Variants in RIMS1 observed in about 807,000 individuals in gnomAD.
RIMS1 encodes the protein regulating synaptic membrane exocytosis 1.
Under a neutral mutation model 214.1 loss-of-function variants are expected in RIMS1, and 83 were observed. That is an observed-to-expected ratio of 0.39 (90% confidence interval 0.32 to 0.47). The LOEUF (loss-of-function observed/expected upper bound fraction) is 0.47, where lower values mean the gene tolerates loss of function less well. RIMS1 is among the 20% of genes least tolerant of loss of function. The pLI is 0.99. For synonymous variants in RIMS1, 793 were observed against 786.8 expected (o/e 1.01, Z -0.13); for missense variants, 2,050 against 2,161.8 (o/e 0.95, Z 1.03).
intron 2 of RIMS1, among the ~76,000 whole-genome samples, chr6:71,997,675 AG>A: frequency 6.6e-6 from 1 of 152,324 alleles, no homozygotes; most frequent in African/African-American, 2.4e-5. Context: ...AAAGAGAAAA[AG>A]GAAATGTTAA....
At chr6:71,909,189 G>C (rs1022546125) in intron 1 of RIMS1, among the ~76,000 whole-genome samples, 1 of 152,080 alleles carries the variant, frequency 6.6e-6, no homozygotes, top group Non-Finnish European at 1.5e-5. Flanking sequence ...TAGAGACGGG[G>C]TTTCACCAGG....
intron 6 of RIMS1, among the ~76,000 whole-genome samples, chr6:72,220,126 C>G (rs2154032600): frequency 6.6e-6 from 1 of 152,154 alleles, no homozygotes; most frequent in East Asian, 1.9e-4. Context: ...TCCTAAGTGC[C>G]TGGCTTAAAT....
In RIMS1 at chr6:72,179,696, C is replaced by T; in HGVS notation, c.593C>T (p.Thr198Ile). The change falls in exon 5 of 34, where the codon ACA (threonine) becomes ATA (isoleucine). Residue 198 changes from threonine to isoleucine, a missense_variant. Physicochemically the swap from Thr to Ile is moderately conservative, Grantham distance 89. Transcript: ENST00000521978. ...GATGGAACCCTGAGTGATACAGCTACAGGTGCTGGCTCTGAGGTACCAAGA... is the reference window on the plus strand; with the variant it reads ...GATGGAACCCTGAGTGATACAGCTATAGGTGCTGGCTCTGAGGTACCAAGA... ...SQDGTLSDTA[T>I]GAGSEVPREK... 3.1e-6 allele frequency: 5 copies of T among 1,613,948 alleles called. No homozygotes were observed. Among genetic ancestry groups the T allele is most frequent in the Non-Finnish European group, 4.2e-6 (5 of 1,179,884 alleles).
intron 4 of RIMS1, among the ~76,000 whole-genome samples, chr6:72,125,384 T>A: frequency 6.6e-6 from 1 of 152,134 alleles, no homozygotes; most frequent in Non-Finnish European, 1.5e-5. Context: ...CCCGGCTGTA[T>A]GAGGTGTCAG....
chr6:71,891,324 A>G lies in RIMS1; in HGVS notation c.164+4137A>G, dbSNP rs979623521. Among the ~76,000 whole-genome samples the G allele has an allele frequency of 1.1e-4, 17 of 152,380 alleles. No individual in the cohort carries two copies. The East Asian group carries it at 3.3e-3, about 29-fold the overall frequency. On this transcript the variant is annotated intron_variant, in intron 1 of 33. Coordinates refer to ENST00000521978, the MANE Select transcript of RIMS1 (RefSeq NM_014989.7). ...TTTTTTCCTACAAATCCTTCAGTCC[A>G]TGGTATGAATTGATTTATAAAGAGT... is the stretch of plus-strand genomic sequence containing the variant.
chr6:71,943,074 A>G (rs1294814469), intron 1 of RIMS1, among the ~76,000 whole-genome samples: 1 of 152,170 alleles, frequency 6.6e-6, no homozygotes, highest in Non-Finnish European at 1.5e-5. Context: ...GTTCTCACAT[A>G]CCATGGTTAC....
At chr6:71,958,872 TC>T (rs1189017189) in intron 1 of RIMS1, among the ~76,000 whole-genome samples, 9 of 152,106 alleles carry the variant, frequency 5.9e-5, no homozygotes, top group Admixed American at 5.9e-4. Context: ...CATCCATTTT[TC>T]CCTAAATGTT....
chr6:71,977,872 A>G (rs117277532), intron 2 of RIMS1, among the ~76,000 whole-genome samples: 2,201 of 152,296 alleles, frequency 0.014, 26 homozygotes, highest in Middle Eastern at 0.027. Context: ...GATTTTATCT[A>G]AGACTTATAT....
rs1588054799 is a variant in RIMS1 at position 72,147,927 on chromosome 6, T to G, written c.472-31648T>G. ...TCCAACTGGCAAGAAATTTTATGTTTTTGCCAGCATCCCAGGCTTCTGGGT... is the reference window on the plus strand; with the variant it reads ...TCCAACTGGCAAGAAATTTTATGTTGTTGCCAGCATCCCAGGCTTCTGGGT... On this transcript the variant is annotated intron_variant, in intron 4 of 33. Transcript: ENST00000521978. Among the ~76,000 whole-genome samples the G allele has an allele frequency of 2.0e-5, 3 of 152,172 alleles. No individual in the cohort carries two copies. In the East Asian group the frequency reaches 5.8e-4, roughly 29 times the overall value.
intron 1 of RIMS1, among the ~76,000 whole-genome samples, chr6:71,922,703 AAGG>A (rs1382459041): frequency 2.0e-5 from 3 of 152,198 alleles, no homozygotes; most frequent in African/African-American, 7.2e-5. Flanking sequence ...AGAGAAGAAA[AAGG>A]AGGAGAAGGA....
rs895779007 is a variant in RIMS1 at position 72,394,416 on chromosome 6, A to G, written c.4618+1606A>G. Among the ~76,000 whole-genome samples the G allele has an allele frequency of 2.6e-5, 4 of 152,162 alleles. No individual in the cohort carries two copies. In the East Asian group the frequency reaches 7.7e-4, roughly 29 times the overall value. ...ACATAGTCAAAATAATATAAATATT[A>G]ATATTGGGAGAATGGGATGACAGAA... On this transcript the variant is annotated intron_variant, in intron 31 of 33. Coordinates refer to ENST00000521978, the MANE Select transcript of RIMS1 (RefSeq NM_014989.7).
chr6:72,273,350 TCC>T (rs1456696070), intron 22 of RIMS1, among the ~76,000 whole-genome samples: 1 of 152,146 alleles, frequency 6.6e-6, no homozygotes, highest in Non-Finnish European at 1.5e-5. Flanking sequence ...TTTAAGACTA[TCC>T]AGTTATTCCT....
intron 6 of RIMS1, among the ~76,000 whole-genome samples, chr6:72,221,298 G>A (rs1359729666): frequency 6.6e-6 from 1 of 151,084 alleles, no homozygotes; most frequent in East Asian, 1.9e-4. Flanking sequence ...GTGAGTGTGT[G>A]TGTGTGTGTG....
At chr6:72,011,922 C>A (rs934705958) in intron 2 of RIMS1, among the ~76,000 whole-genome samples, 10 of 152,296 alleles carry the variant, frequency 6.6e-5, no homozygotes, top group African/African-American at 2.4e-4. Flanking sequence ...GTCAGTGTGG[C>A]AATTCCTCAG....
At chr6:72,159,120 G>T (rs1431539090) in intron 4 of RIMS1, among the ~76,000 whole-genome samples, 1 of 140,860 alleles carries the variant, frequency 7.1e-6, no homozygotes, top group Non-Finnish European at 1.6e-5. Context: ...TCTGACTGTG[G>T]TTTTGATTTG....
chr6:72,113,599 A>G (rs559619353), intron 4 of RIMS1, among the ~76,000 whole-genome samples: 1 of 152,150 alleles, frequency 6.6e-6, no homozygotes, highest in Non-Finnish European at 1.5e-5. Context: ...GAATTCTAGA[A>G]TAAGCAGCAA....
chr6:72,060,882 T>C (rs1028939056), intron 2 of RIMS1, among the ~76,000 whole-genome samples: 1 of 152,228 alleles, frequency 6.6e-6, no homozygotes, highest in Non-Finnish European at 1.5e-5. Context: ...CCACATGTAC[T>C]TAACACGTTT....
At position 72,098,712 on chromosome 6, in the gene RIMS1, T is replaced by C. The variant is rs1179539726; in HGVS notation, c.460-1263T>C. Reference sequence around the variant, plus strand: ...ACTGGATAGTAATATTTACCTTGTATGGGTGTTATGAAAATTAAATAAAAA... The same window carrying C: ...ACTGGATAGTAATATTTACCTTGTACGGGTGTTATGAAAATTAAATAAAAA... On this transcript the variant is annotated intron_variant, in intron 3 of 33. Coordinates refer to ENST00000521978, the MANE Select transcript of RIMS1 (RefSeq NM_014989.7). Among the ~76,000 whole-genome samples the C allele has an allele frequency of 4.6e-5, 7 of 152,230 alleles. No individual in the cohort carries two copies. The South Asian group carries it at 1.2e-3, about 27-fold the overall frequency.
intron 29 of RIMS1, among the ~76,000 whole-genome samples, chr6:72,341,241 G>A (rs1391237888): frequency 6.6e-6 from 1 of 151,974 alleles, no homozygotes; most frequent in African/African-American, 2.4e-5. Context: ...GGGACAATTT[G>A]ACTTCCTCTT....
Sources: gnomAD v4.1 joint callset for allele counts (sites outside exome capture counted in the v4.1 genomes callset) on GRCh38, gnomAD v4.1.1 for gene constraint, MANE v1.5 for transcripts, NCBI Gene and HGNC (gene_info 2026-07-23, HGNC 2026-07-21) for gene names.